Variants in GEMIN5 observed in about 807,000 individuals in gnomAD.
GEMIN5 encodes the protein gem-associated protein 5.
GEMIN5 carries 124 observed loss-of-function variants against 176.9 expected under a neutral mutation model. The ratio of observed to expected loss-of-function variants is 0.70; its 90% CI spans 0.61 to 0.81. The LOEUF is 0.81. Ranked by LOEUF, GEMIN5 falls within the 40% of genes least tolerant of loss-of-function variation. The probability of loss-of-function intolerance (pLI) is 0.00; values close to 1 mark genes in which losing one functional copy is unlikely to be tolerated. For synonymous variants in GEMIN5, 673 were observed against 665.2 expected (o/e 1.01, Z -0.18); for missense variants, 1,843 against 1,814.6 (o/e 1.02, Z -0.28).
rs771100096 is a variant in GEMIN5 at position 154,926,035 on chromosome 5, T to C, written c.1120A>G (p.Thr374Ala). ...GCAAACCCACCAAGGGAAGGAAGGG[T>C]CCAGCTGCACTCCAAGGTGGCTATG... is the stretch of plus-strand genomic sequence containing the variant. ...WDIATLECSW[T>A]LPSLGGFAYS... Residue 374 changes from threonine (T) to alanine (A), a missense_variant, in exon 8 of 28, where the codon ACC becomes GCC. Thr to Ala is a moderately conservative substitution (Grantham distance 58). Transcript: ENST00000285873. The C allele has an allele frequency of 6.2e-7, 1 of 1,613,230 alleles. No individual in the cohort carries two copies. The highest frequency in any genetic ancestry group is 8.5e-7 in the Non-Finnish European group (1 of 1,179,492).
chr5:154,907,506 G>A (rs1428948193), intron 16 of GEMIN5, 85 bp downstream of exon 16: 5 of 877,592 alleles, frequency 5.7e-6, no homozygotes, highest in African/African-American at 3.4e-5. Context: ...TGGGAACAGC[G>A]AAGTTTCAAA....
rs150844531 is a variant in GEMIN5, at chr5:154,907,835, A to C, written c.2168-17T>G. On this transcript the variant is annotated splice_polypyrimidine_tract_variant and intron_variant, in intron 15 of 27. Transcript: ENST00000285873. The stretch of plus-strand genomic sequence containing the variant: ...TTTTTTTGCCTACAAGAATCACAAT[A>C]AAGGACTGACTAAAGTATACATTCT... 2 of 1,574,710 alleles carry C rather than the reference A, an allele frequency of 1.3e-6. No homozygotes were observed. The highest frequency in any genetic ancestry group is 1.7e-6 in the Non-Finnish European group (2 of 1,145,694).
chr5:154,911,627 A>G, intron 15 of GEMIN5, 100 bp downstream of exon 15: 2 of 999,802 alleles, frequency 2.0e-6, no homozygotes, highest in South Asian at 1.6e-5. Flanking sequence ...CCCTACTGAC[A>G]CTAATGCCCT....
rs1223478009 is a variant in GEMIN5, at chr5:154,919,991, G to C, written c.1575C>G (p.Leu525=). ...CTTTGATTGAATTGGTGTCCCTGATGAGTTTGTTGATGTCAAAGGCTTCTC... is the reference window on the plus strand; with the variant it reads ...CTTTGATTGAATTGGTGTCCCTGATCAGTTTGTTGATGTCAAAGGCTTCTC... ...LSGEAFDINK[L]IRDTNSIKYK... is the part of the protein sequence containing the mutation. The change falls in exon 11 of 28, where the codon CTC becomes CTG. Residue 525 remains leucine, a synonymous_variant. Transcript: ENST00000285873. 6.2e-7 allele frequency: 1 copy of C among 1,613,658 alleles called. No homozygotes were observed.
intron 3 of GEMIN5, among the ~76,000 whole-genome samples, chr5:154,933,316 A>G (rs925823326): frequency 9.2e-5 from 14 of 152,084 alleles, no homozygotes; most frequent in Admixed American, 2.6e-4. Flanking sequence ...GCTATCATCT[A>G]TTTTCCTGCA....
rs75723710 is a variant in GEMIN5, at chr5:154,928,787, C to A, written c.782-128G>T. 6.5e-4 allele frequency: 484 copies of A among 739,416 alleles called. No individual in the cohort carries two copies. The African/African-American group carries it at 7.4e-3, about 11-fold the overall frequency. The allele number at this position is 739,416 out of a possible 1,614,324, so 45.8% of individuals were successfully genotyped here. ...TAGTTTGGCTACTTAGAATTCAGAT[C>A]TCATTTTCCAATGGTTACAATTTTA... On this transcript the variant is annotated intron_variant, in intron 5 of 27. Transcript: ENST00000285873.
At chr5:154,902,143 T>C (rs1378574530) in intron 20 of GEMIN5, among the ~76,000 whole-genome samples, 4 of 152,112 alleles carry the variant, frequency 2.6e-5, no homozygotes, top group African/African-American at 9.7e-5. Flanking sequence ...TCTCATGATG[T>C]TGCCCAGACT....
chr5:154,937,917 T>C, intron 1 of GEMIN5, 51 bp downstream of exon 1: 1 of 1,467,912 alleles, frequency 6.8e-7, no homozygotes, highest in Non-Finnish European at 9.0e-7. Flanking sequence ...TCGGCGCCCC[T>C]GGGGAGCGTA....
intron 19 of GEMIN5, 111 bp downstream of exon 19, chr5:154,902,969 C>T (rs369457262): frequency 2.0e-4 from 150 of 755,272 alleles, no homozygotes; most frequent in Non-Finnish European, 2.7e-4. Flanking sequence ...TTAGCTGACA[C>T]GTAAAACTAA....
At chr5:154,900,775 A>G (rs564493441) in intron 21 of GEMIN5, among the ~76,000 whole-genome samples, 2 of 152,228 alleles carry the variant, frequency 1.3e-5, no homozygotes, top group Non-Finnish European at 2.9e-5. Flanking sequence ...AAGAATGACT[A>G]GGTAACTGTA....
intron 5 of GEMIN5, 35 bp from the exon 6 acceptor site, chr5:154,928,694 GAC>G (rs747432346): frequency 3.6e-5 from 58 of 1,608,646 alleles, no homozygotes; most frequent in Non-Finnish European, 4.5e-5. Flanking sequence ...GGGCACTCAA[GAC>G]AGTGAAACTA....
In GEMIN5 at chr5:154,932,241, A is replaced by G. The variant is rs1205226656; in HGVS notation, c.519T>C (p.Asp173=). The G allele has an allele frequency of 1.9e-6, 3 of 1,604,498 alleles. No individual in the cohort carries two copies. The highest frequency in any genetic ancestry group is 1.7e-6 in the Non-Finnish European group (2 of 1,173,676). ...TGATGTCAATTATCACCACTATGCC[A>G]TCCTTGTAGCTAAAAAACAAGAGTT... ...HEDLVAIGYK[D]GIVVIIDISK... The change falls in exon 4 of 28, where the codon GAT becomes GAC. Residue 173 remains aspartate (D), a synonymous_variant. Coordinates refer to ENST00000285873, the MANE Select transcript of GEMIN5 (RefSeq NM_015465.5).
chr5:154,912,800 A>G, intron 14 of GEMIN5, 99 bp downstream of exon 14: 1 of 1,003,046 alleles, frequency 1.0e-6, no homozygotes, highest in Non-Finnish European at 1.4e-6. Flanking sequence ...AGATGATGAT[A>G]ATGGGGGAGG....
In GEMIN5 at chr5:154,899,233, G is replaced by C; in HGVS notation, c.3092C>G (p.Thr1031Ser). The change falls in exon 22 of 28, where the codon ACC (threonine) becomes AGC (serine). Residue 1031 changes from threonine to serine, a missense_variant. Physicochemically the swap from Thr to Ser is moderately conservative, Grantham distance 58. Transcript: ENST00000285873. ...ATAGTGGCCATCTCTTTCTAGGACG[G>C]TTCCCCAGCTGAGGTACAAGTCCTT... is the stretch of plus-strand genomic sequence containing the variant. Reference protein sequence around the residue: ...VLKDLYLSWGTVLERDGHYAV... With the variant: ...VLKDLYLSWGSVLERDGHYAV... 1 of 1,613,376 alleles carries C rather than the reference G, an allele frequency of 6.2e-7. No homozygotes were observed. The highest frequency in any genetic ancestry group is 2.2e-5 in the East Asian group (1 of 44,850).
intron 18 of GEMIN5, 107 bp from the exon 19 acceptor site, chr5:154,903,282 G>T: frequency 1.4e-6 from 1 of 702,692 alleles, no homozygotes; most frequent in East Asian, 2.6e-5. Context: ...TTCAGACACT[G>T]AGAGAATCAG....
Position 154,896,148 on chromosome 5 carries a change from G to A in GEMIN5, c.3541C>T (p.Gln1181Ter), listed in dbSNP as rs1004889465. The change falls in exon 24 of 28, where the codon CAG (glutamine) becomes TAG (stop). Residue 1181 changes from glutamine to a stop codon, truncating the protein, a stop_gained. Coordinates refer to ENST00000285873, the MANE Select transcript of GEMIN5 (RefSeq NM_015465.5). LOFTEE classifies it high-confidence loss of function. ...GGGTACTTGATGTTCTGCAGCTTCT[G>A]AAAGGCTTCCTGATACTGCTCAGGG... ...DTPEQYQEAF[Q>*]KLQNIKYPSA... The A allele has an allele frequency of 6.2e-7, 1 of 1,613,860 alleles. No individual in the cohort carries two copies. The highest frequency in any genetic ancestry group is 8.5e-7 in the Non-Finnish European group (1 of 1,179,898).
chr5:154,918,490 C>T (rs1045136012), intron 11 of GEMIN5, among the ~76,000 whole-genome samples: 3 of 152,162 alleles, frequency 2.0e-5, no homozygotes, highest in African/African-American at 4.8e-5. Flanking sequence ...TCCACAGCTT[C>T]TTCAACTATC....
At chr5:154,931,637 A>C (rs1168994094) in intron 4 of GEMIN5, 60 bp from the exon 5 acceptor site, 1 of 1,440,128 alleles carries the variant, frequency 6.9e-7, no homozygotes. Context: ...AATATAAAAA[A>C]ATTAGTTTGC....
chr5:154,922,601 T>C (rs910421153), intron 9 of GEMIN5, among the ~76,000 whole-genome samples: 5 of 152,118 alleles, frequency 3.3e-5, no homozygotes, highest in Admixed American at 2.0e-4. Context: ...AACCAGGATA[T>C]AATAATTTAA....
Sources: gnomAD v4.1 joint callset for allele counts (sites outside exome capture counted in the v4.1 genomes callset) on GRCh38, gnomAD v4.1.1 for gene constraint, MANE v1.5 for transcripts, NCBI Gene and HGNC (gene_info 2026-07-23, HGNC 2026-07-21) for gene names.